TPX2: variants seen among roughly 807,000 people sequenced by gnomAD.
TPX2 encodes the protein targeting protein for Xklp2.
In TPX2, 21 loss-of-function variants were observed where a neutral mutation model predicts 93.6. The ratio of observed to expected loss-of-function variants is 0.22; its 90% CI spans 0.16 to 0.32. The LOEUF (loss-of-function observed/expected upper bound fraction) is 0.32. TPX2 is among the 10% of genes least tolerant of loss of function. TPX2 has a pLI of 1.00. For missense variants in TPX2, 776 were observed against 871.1 expected (o/e 0.89, Z 1.37); for synonymous variants, 281 against 298.3 (o/e 0.94, Z 0.60).
chr20:31,758,832 C>T (rs189215865), intron 3 of TPX2, among the ~76,000 whole-genome samples: 1 of 152,172 alleles, frequency 6.6e-6, no homozygotes, highest in East Asian at 1.9e-4. Context: ...GCCCTTGCTT[C>T]ACTGGAACTG....
intron 2 of TPX2, among the ~76,000 whole-genome samples, chr20:31,749,071 G>A (rs1007777077): frequency 3.3e-5 from 5 of 151,138 alleles, no homozygotes; most frequent in Non-Finnish European, 1.5e-5. Flanking sequence ...TCAGCCTCCC[G>A]AGTAGCTGGG....
Position 31,783,992 on chromosome 20 carries a change from A to C in TPX2, c.1413+71A>C, listed in dbSNP as rs760130082. ...CCAGATATCCACCCATTCACACAAA[A>C]GTTTGGGTAGATATTATGAGCAGGG... is the stretch of plus-strand genomic sequence containing the variant. On this transcript the variant is annotated intron_variant, in intron 12 of 17. Coordinates refer to ENST00000300403, the MANE Select transcript of TPX2 (RefSeq NM_012112.5). 1.2e-4 allele frequency: 181 copies of C among 1,516,244 alleles called. 1 individual carries two copies. Among genetic ancestry groups the C allele is most frequent in the Middle Eastern group, 4.0e-4 (2 of 5,042 alleles). 93.9% of individuals were successfully genotyped at this position (1,516,244 alleles called of 1,614,324 possible). A position where few individuals can be genotyped will look rare whatever the true frequency, so the allele number is the denominator to read the frequency against.
rs768350851 is a variant in TPX2 at position 31,760,211 on chromosome 20, A to G, written c.229+32A>G. ...AAACATCTTAGAAAAAAGCTCCTTG[A>G]TAGAATGGTGGGACAGTGTTTTAGA... On this transcript the variant is annotated intron_variant, in intron 4 of 17. Coordinates refer to ENST00000300403, the MANE Select transcript of TPX2 (RefSeq NM_012112.5). 4 of 1,611,702 alleles carry G rather than the reference A, an allele frequency of 2.5e-6. No individual in the cohort carries two copies. In the African/African-American group the frequency reaches 5.4e-5, roughly 22 times the overall value.
At position 31,801,178 on chromosome 20, in the gene TPX2, C is replaced by T; in HGVS notation, c.*98C>T. Reference sequence around the variant, plus strand: ...TTTGTCATTGGGCATGGAGAGAACCCATTTCTCCAGACTTTTACCTACCCG... The same window carrying T: ...TTTGTCATTGGGCATGGAGAGAACCTATTTCTCCAGACTTTTACCTACCCG... On this transcript the variant is annotated 3_prime_UTR_variant, in exon 18 of 18. Transcript: ENST00000300403. The T allele has an allele frequency of 9.4e-7, 1 of 1,069,258 alleles. No homozygotes were observed. The highest frequency in any genetic ancestry group is 1.4e-6 in the Non-Finnish European group (1 of 706,754). The allele number at this position is 1,069,258 out of a possible 1,614,324, so 66.2% of individuals were successfully genotyped here.
chr20:31,778,724 T>A lies in TPX2; in HGVS notation c.883-89T>A, dbSNP rs966275602. On this transcript the variant is annotated intron_variant, in intron 9 of 17. Coordinates refer to ENST00000300403, the MANE Select transcript of TPX2 (RefSeq NM_012112.5). ...ATCTTGGTTTTACACAGGCCTTTTT[T>A]ATTGATCCTCTGTGCCGAATATGTG... 4 of 1,293,902 alleles carry A rather than the reference T, an allele frequency of 3.1e-6. No homozygotes were observed. The African/African-American group carries it at 4.5e-5, about 15-fold the overall frequency. 80.2% of individuals were successfully genotyped at this position (1,293,902 alleles called of 1,614,324 possible).
chr20:31,800,799 C>G (rs73903649), intron 17 of TPX2, among the ~76,000 whole-genome samples, 171 bp from the exon 18 acceptor site: 3,989 of 152,292 alleles, frequency 0.026, 143 homozygotes, highest in African/African-American at 0.08. Flanking sequence ...AAAGCACATA[C>G]ACTTTTCCAT....
chr20:31,790,305 G>GACT (rs1444993788), intron 12 of TPX2, among the ~76,000 whole-genome samples: 1 of 152,166 alleles, frequency 6.6e-6, no homozygotes, highest in Non-Finnish European at 1.5e-5. Flanking sequence ...CACCTTGAGA[G>GACT]ACTGTAAATC....
chr20:31,748,540 G>A (rs1257276142), intron 2 of TPX2, among the ~76,000 whole-genome samples: 1 of 152,188 alleles, frequency 6.6e-6, no homozygotes, highest in Non-Finnish European at 1.5e-5. Flanking sequence ...GCATATCAGG[G>A]ATGCTTAGTT....
intron 6 of TPX2, among the ~76,000 whole-genome samples, chr20:31,771,050 G>A (rs1433022163): frequency 6.6e-6 from 1 of 152,038 alleles, no homozygotes; most frequent in African/African-American, 2.4e-5. Flanking sequence ...GTACAGTAAA[G>A]GAAAAAGGGC....
Position 31,781,940 on chromosome 20 carries a change from C to CA in TPX2, c.1055-301dup, listed in dbSNP as rs528742649. Among the ~76,000 whole-genome samples the CA allele has an allele frequency of 1.1e-4, 17 of 151,506 alleles. No homozygotes were observed. In the East Asian group the frequency reaches 1.4e-3, roughly 12 times the overall value. The stretch of plus-strand genomic sequence containing the variant: ...TGGGCAACAGAGTGAGACCCTGTCT[C>CA]AAAAAAAAGAAAGTCAGTCTAGGCC... On this transcript the variant is annotated intron_variant, in intron 10 of 17. Coordinates refer to ENST00000300403, the MANE Select transcript of TPX2 (RefSeq NM_012112.5).
At chr20:31,799,193 C>T (rs1165879210) in intron 17 of TPX2, among the ~76,000 whole-genome samples, 2 of 152,142 alleles carry the variant, frequency 1.3e-5, no homozygotes, top group Non-Finnish European at 2.9e-5. Context: ...CTGAACTCCA[C>T]ATTAAGGACC....
At chr20:31,773,016 A>C (rs2061973662) in intron 7 of TPX2, among the ~76,000 whole-genome samples, 1 of 120,544 alleles carries the variant, frequency 8.3e-6, no homozygotes, top group Non-Finnish European at 1.6e-5. Context: ...TCACCCTGTC[A>C]CCCAGGTTGG....
At chr20:31,754,805 T>C (rs2061841398) in intron 2 of TPX2, among the ~76,000 whole-genome samples, 1 of 152,210 alleles carries the variant, frequency 6.6e-6, no homozygotes, top group African/African-American at 2.4e-5. Context: ...CAGCCATTAA[T>C]TGATATGTCT....
chr20:31,795,959 G>T (rs2062136593), intron 15 of TPX2, among the ~76,000 whole-genome samples: 1 of 152,096 alleles, frequency 6.6e-6, no homozygotes, highest in Non-Finnish European at 1.5e-5. Context: ...CCTGAAGCCC[G>T]AGAGTTGTAA....
intron 7 of TPX2, among the ~76,000 whole-genome samples, chr20:31,773,143 ATTTTTTTTTTTT>A (rs769516478): frequency 2.0e-5 from 2 of 102,356 alleles, no homozygotes; most frequent in Admixed American, 1.1e-4. Flanking sequence ...CACCCGGCTA[ATTTTTTTTTTTT>A]TTTTTTTTTT....
chr20:31,787,890 C>G (rs2062076763), intron 12 of TPX2, among the ~76,000 whole-genome samples: 1 of 152,106 alleles, frequency 6.6e-6, no homozygotes, highest in Non-Finnish European at 1.5e-5. Flanking sequence ...GGGTGAAATT[C>G]AACAGAACTG....
At position 31,785,502 on chromosome 20, in the gene TPX2, G is replaced by GT. The variant is rs1049481149; in HGVS notation, c.1413+1593dup. 5.8e-3 allele frequency among the ~76,000 whole-genome samples: 820 copies of GT among 141,948 alleles called. 4 individuals are homozygous for GT. The highest frequency in any genetic ancestry group is 6.9e-3 in the African/African-American group (270 of 39,164). The allele number at this position is 141,948 out of a possible 152,430, so 93.1% of individuals were successfully genotyped here. A position where few individuals can be genotyped will look rare whatever the true frequency, so the allele number is the denominator to read the frequency against. On this transcript the variant is annotated intron_variant, in intron 12 of 17. Transcript: ENST00000300403. ...CACCTTGCTTTTGGTTTTTTGTTTTGTTTTTTTTTTTTGAGTTGGAGTTTA... is the reference window on the plus strand; with the variant it reads ...CACCTTGCTTTTGGTTTTTTGTTTTGTTTTTTTTTTTTTGAGTTGGAGTTTA...
intron 2 of TPX2, among the ~76,000 whole-genome samples, chr20:31,757,193 C>A (rs2061857473): frequency 6.6e-6 from 1 of 152,142 alleles, no homozygotes; most frequent in Admixed American, 6.5e-5. Flanking sequence ...CAGACGTGAG[C>A]CACTGTGTCT....
chr20:31,794,362 C>G (rs1454471343), intron 14 of TPX2, 40 bp from the exon 15 acceptor site: 10 of 1,598,920 alleles, frequency 6.3e-6, no homozygotes, highest in Non-Finnish European at 8.5e-6. Flanking sequence ...TGCTTTCCAG[C>G]TAGTCTTTAT....
Sources: gnomAD v4.1 joint callset for allele counts (sites outside exome capture counted in the v4.1 genomes callset) on GRCh38, gnomAD v4.1.1 for gene constraint, MANE v1.5 for transcripts, NCBI Gene and HGNC (gene_info 2026-07-23, HGNC 2026-07-21) for gene names.